BPTF: variants seen among roughly 807,000 people sequenced by gnomAD.
The protein encoded by BPTF is nucleosome-remodeling factor subunit BPTF.
In BPTF, 18 loss-of-function variants were observed where a neutral mutation model predicts 292.5. The ratio of observed to expected loss-of-function variants is 0.06; its 90% CI spans 0.04 to 0.09. The LOEUF is 0.09. Among genes scored for constraint, BPTF ranks in the 10% least tolerant of loss-of-function variants. The probability of loss-of-function intolerance (pLI) is 1.00; values close to 1 mark genes in which losing one functional copy is unlikely to be tolerated. For synonymous variants in BPTF, 1,225 were observed against 1,251.9 expected (o/e 0.98, Z 0.45); for missense variants, 2,726 against 3,498.7 (o/e 0.78, Z 5.57).
chr17:67,981,984 A>AATATATATATAT (rs35063149), intron 27 of BPTF: 4 of 137,774 alleles, frequency 2.9e-5, no homozygotes, highest in African/African-American at 1.1e-4. Context: ...TTATTAGACA[A>AATATATATATAT]ATATATATAT....
intron 3 of BPTF, among the ~76,000 whole-genome samples, chr17:67,872,112 C>A (rs1297127946): frequency 6.6e-6 from 1 of 152,210 alleles, no homozygotes; most frequent in Non-Finnish European, 1.5e-5. Flanking sequence ...AGGCGTGAGC[C>A]ACTGCGCCCA....
chr17:67,862,196 G>A (rs970497845), intron 2 of BPTF, among the ~76,000 whole-genome samples: 1 of 152,044 alleles, frequency 6.6e-6, no homozygotes, highest in African/African-American at 2.4e-5. Context: ...GTCTGGTTTT[G>A]GACTCCCGAC....
At chr17:67,864,254 G>C (rs1427979136) in intron 2 of BPTF, among the ~76,000 whole-genome samples, 1 of 152,104 alleles carries the variant, frequency 6.6e-6, no homozygotes. Context: ...AGCCCGGTGC[G>C]GTGGCTCGTG....
intron 11 of BPTF, among the ~76,000 whole-genome samples, 196 bp from the exon 12 acceptor site, chr17:67,918,518 G>C (rs1016855316): frequency 1.3e-5 from 2 of 152,028 alleles, no homozygotes; most frequent in African/African-American, 4.8e-5. Context: ...TGTTAGGTGC[G>C]TGTTATGCCT....
intron 2 of BPTF, among the ~76,000 whole-genome samples, chr17:67,862,712 G>A (rs2059156704): frequency 6.6e-6 from 1 of 151,862 alleles, no homozygotes; most frequent in Admixed American, 6.6e-5. Flanking sequence ...GTTTAAAACA[G>A]TAGAAATTGA....
rs2069351867 is a variant in BPTF at position 67,975,936 on chromosome 17, T to C, written c.8704T>C (p.Leu2902=). ...EVLESFFVQK[L]KGFKASRSHN... ...TCTCGAATCATTCTTTGTACAGAAA[T>C]TGAAAGGCTTCAAAGCTAGCAGGTG... Residue 2902 remains leucine (L), a synonymous_variant, in exon 27 of 28, where the codon TTG becomes CTG. Transcript: ENST00000306378. The C allele has an allele frequency of 6.2e-7, 1 of 1,611,616 alleles. No homozygotes were observed. The highest frequency in any genetic ancestry group is 8.5e-7 in the Non-Finnish European group (1 of 1,179,308).
At chr17:67,843,236 AC>A (rs1353882759) in intron 1 of BPTF, among the ~76,000 whole-genome samples, 3 of 150,378 alleles carry the variant, frequency 2.0e-5, no homozygotes, top group African/African-American at 7.3e-5. Context: ...CTATATATCT[AC>A]ATACATGTAA....
intron 18 of BPTF, among the ~76,000 whole-genome samples, chr17:67,936,134 G>A (rs2064895674): frequency 6.6e-6 from 1 of 152,082 alleles, no homozygotes; most frequent in African/African-American, 2.4e-5. Context: ...GGGCATAAGG[G>A]GAAAGATAGA....
At chr17:67,970,569 T>C (rs996889310) in intron 26 of BPTF, among the ~76,000 whole-genome samples, 1 of 152,208 alleles carries the variant, frequency 6.6e-6, no homozygotes, top group African/African-American at 2.4e-5. Flanking sequence ...ACATTTATTT[T>C]CTAAGAGTAC....
At chr17:67,923,054 T>TCAATA in intron 14 of BPTF, 64 bp downstream of exon 14, 66 of 1,467,332 alleles carry the variant, frequency 4.5e-5, no homozygotes, top group South Asian at 8.1e-5. Flanking sequence ...ATCAATAAAT[T>TCAATA]ACTTTTTTTT....
chr17:67,925,216 A>C (rs2063775438), intron 15 of BPTF, among the ~76,000 whole-genome samples: 1 of 152,154 alleles, frequency 6.6e-6, no homozygotes, highest in Non-Finnish European at 1.5e-5. Flanking sequence ...GAGTTTCATA[A>C]GTAATTTCTG....
Position 67,850,753 on chromosome 17 carries a change from A to G in BPTF, c.614-3187A>G, listed in dbSNP as rs1318105345. 3.9e-5 allele frequency among the ~76,000 whole-genome samples: 6 copies of G among 152,296 alleles called. No homozygotes were observed. In the East Asian group the frequency reaches 7.7e-4, roughly 20 times the overall value. Reference sequence around the variant, plus strand: ...TGATCTACAGAATTCTATCCAATGAATAAGCCACAATTTGACTGTTTTCCT... The same window carrying G: ...TGATCTACAGAATTCTATCCAATGAGTAAGCCACAATTTGACTGTTTTCCT... On this transcript the variant is annotated intron_variant, in intron 1 of 27. Coordinates refer to ENST00000306378, the MANE Select transcript of BPTF (RefSeq NM_182641.4).
At chr17:67,881,865 T>TG (rs1292292610) in intron 4 of BPTF, among the ~76,000 whole-genome samples, 489 of 17,624 alleles carry the variant, frequency 0.028, 7 homozygotes, top group African/African-American at 0.072. Context: ...TTTGTTTTTT[T>TG]TTTTTTTTTT....
At chr17:67,935,321 G>A (rs563685233) in intron 18 of BPTF, among the ~76,000 whole-genome samples, 48 of 152,088 alleles carry the variant, frequency 3.2e-4, no homozygotes, top group Non-Finnish European at 5.7e-4. Flanking sequence ...CAGCCACTTG[G>A]GAGGCTGAGG....
Position 67,911,114 on chromosome 17 carries a change from A to G in BPTF, c.3230A>G (p.Gln1077Arg). Residue 1077 changes from glutamine (Q) to arginine (R), a missense_variant, in exon 11 of 28, where the codon CAG becomes CGG. This residue lies in a region of BPTF where 713 missense variants were observed against 714.9 expected (regional missense o/e 1.00). Coordinates refer to ENST00000306378, the MANE Select transcript of BPTF (RefSeq NM_182641.4). ...AAACAGTTTACACTGGAAGAAAAAC[A>G]GCGACTCGAAAAAATCAAGTTGGAG... Reference protein sequence around the residue: ...RIKQFTLEEKQRLEKIKLEGG... With the variant: ...RIKQFTLEEKRRLEKIKLEGG... The G allele has an allele frequency of 6.2e-7, 1 of 1,613,636 alleles. No homozygotes were observed. Among genetic ancestry groups the G allele is most frequent in the Non-Finnish European group, 8.5e-7 (1 of 1,179,842 alleles).
At position 67,871,710 on chromosome 17, in the gene BPTF, G is replaced by A. The variant is rs188865978; in HGVS notation, c.1661-3107G>A. ...ATGCAAAGTATAGAATATACTTGTT[G>A]ATAGAATATGCATATTTAGTATAGA... is the stretch of plus-strand genomic sequence containing the variant. On this transcript the variant is annotated intron_variant, in intron 3 of 27. Coordinates refer to ENST00000306378, the MANE Select transcript of BPTF (RefSeq NM_182641.4). Among the ~76,000 whole-genome samples, 65 of 152,208 alleles carry A rather than the reference G, an allele frequency of 4.3e-4. 1 individual carries two copies. The highest frequency in any genetic ancestry group is 2.9e-5 in the Non-Finnish European group (2 of 68,018).
chr17:67,947,564 C>T (rs562760250), intron 21 of BPTF, among the ~76,000 whole-genome samples, 162 bp from the exon 22 acceptor site: 5 of 152,154 alleles, frequency 3.3e-5, no homozygotes, highest in African/African-American at 1.2e-4. Context: ...TGGTAAGCAC[C>T]CAGGCCATCT....
At chr17:67,933,279 A>G (rs1191486381) in intron 18 of BPTF, among the ~76,000 whole-genome samples, 2 of 151,776 alleles carry the variant, frequency 1.3e-5, no homozygotes, top group East Asian at 3.8e-4. Flanking sequence ...AAAAAAAGGT[A>G]AAGATCATGG....
chr17:67,951,360 G>A (rs1419099043), intron 23 of BPTF: 3 of 152,168 alleles, frequency 2.0e-5, no homozygotes, highest in Non-Finnish European at 4.4e-5. Flanking sequence ...TGTATGCTGG[G>A]AAACAGGGAG....
Sources: allele counts gnomAD v4.1 joint callset (sites outside exome capture counted in the v4.1 genomes callset), GRCh38; gene constraint gnomAD v4.1.1; regional missense constraint gnomAD v4.1.1; transcripts MANE v1.5; gene names NCBI Gene and HGNC (gene_info 2026-07-23, HGNC 2026-07-21).